METTL8: variants seen among roughly 807,000 people sequenced by gnomAD.
The protein encoded by METTL8 is tRNA N(3)-cytidine methyltransferase METTL8, mitochondrial.
A neutral mutation model predicts 48.7 loss-of-function variants in METTL8; 32 were observed. The ratio of observed to expected loss-of-function variants is 0.66; its 90% CI spans 0.50 to 0.88. The LOEUF is 0.88. METTL8 is among the 40% of genes least tolerant of loss of function. The pLI, the probability that METTL8 is intolerant of heterozygous loss-of-function variation, is 0.00. For missense variants in METTL8, 464 were observed against 474.4 expected, an observed-to-expected ratio of 0.98 and a Z score of 0.20; for synonymous variants, 136 against 157.1, an observed-to-expected ratio of 0.87 and a Z score of 1.01.
intron 1 of METTL8, among the ~76,000 whole-genome samples, chr2:171,406,257 G>A (rs1690165989): frequency 6.6e-6 from 1 of 152,110 alleles, no homozygotes; most frequent in African/African-American, 2.4e-5. Context: ...CTAGAGATCT[G>A]GGAACAAAGA....
intron 3 of METTL8, among the ~76,000 whole-genome samples, chr2:171,351,968 T>C (rs1467718084): frequency 2.0e-5 from 3 of 152,194 alleles, no homozygotes; most frequent in East Asian, 1.9e-4. Flanking sequence ...TCTTGCCTGA[T>C]TGCCCTGGCC....
chr2:171,428,825 A>C (rs917356664), intron 1 of METTL8, among the ~76,000 whole-genome samples: 1 of 152,206 alleles, frequency 6.6e-6, no homozygotes, highest in Admixed American at 6.5e-5. Flanking sequence ...AGAGGAAAGG[A>C]AGCTTCAGAT....
At chr2:171,387,215 G>A (rs938960196) in intron 2 of METTL8, among the ~76,000 whole-genome samples, 24 of 152,070 alleles carry the variant, frequency 1.6e-4, no homozygotes, top group African/African-American at 3.9e-4. Context: ...TGTAACACGC[G>A]CTCACTGGGA....
chr2:171,359,886 G>T (rs532027500), intron 3 of METTL8, among the ~76,000 whole-genome samples: 3 of 151,978 alleles, frequency 2.0e-5, no homozygotes, highest in Non-Finnish European at 2.9e-5. Flanking sequence ...CCACCGCGCC[G>T]GCTCCTGAGT....
intron 1 of METTL8, among the ~76,000 whole-genome samples, chr2:171,398,580 C>T (rs1247206670): frequency 6.6e-6 from 1 of 152,020 alleles, no homozygotes; most frequent in African/African-American, 2.4e-5. Flanking sequence ...TCAAAGGATA[C>T]AAAGTTGCAG....
intron 1 of METTL8, among the ~76,000 whole-genome samples, chr2:171,431,804 G>A (rs147269649): frequency 3.3e-5 from 5 of 152,236 alleles, no homozygotes; most frequent in South Asian, 2.1e-4. Flanking sequence ...GCCCCTGTTC[G>A]TCAGGCTGCA....
intron 5 of METTL8, 81 bp downstream of exon 5, chr2:171,337,372 C>T (rs774149717): frequency 3.0e-6 from 3 of 1,013,430 alleles, no homozygotes; most frequent in Non-Finnish European, 4.4e-6. Flanking sequence ...TACTGGCATA[C>T]ACGTGACAAT....
At chr2:171,431,976 C>T (rs769642163) in intron 1 of METTL8, among the ~76,000 whole-genome samples, 2 of 152,198 alleles carry the variant, frequency 1.3e-5, no homozygotes, top group African/African-American at 2.4e-5. Flanking sequence ...AAGCGGTGCA[C>T]GGAGCCAGCT....
intron 2 of METTL8, among the ~76,000 whole-genome samples, chr2:171,371,049 T>C (rs936658219): frequency 2.6e-5 from 4 of 152,202 alleles, no homozygotes; most frequent in Non-Finnish European, 2.9e-5. Flanking sequence ...TATGCTATTA[T>C]TTTCTGTACC....
chr2:171,413,871 G>A (rs1464319959), intron 1 of METTL8, among the ~76,000 whole-genome samples: 2 of 152,210 alleles, frequency 1.3e-5, no homozygotes, highest in African/African-American at 4.8e-5. Context: ...CTGGCAAACT[G>A]AGGGGGCACT....
chr2:171,336,435 T>G (rs1187704310), intron 5 of METTL8, among the ~76,000 whole-genome samples: 1 of 140,456 alleles, frequency 7.1e-6, no homozygotes, highest in African/African-American at 2.7e-5. Context: ...GGAGTCTCAC[T>G]CTGTCGCCCA....
chr2:171,336,296 T>A (rs1272779959), intron 5 of METTL8, among the ~76,000 whole-genome samples: 1 of 142,070 alleles, frequency 7.0e-6, no homozygotes, highest in African/African-American at 2.6e-5. Flanking sequence ...GGGGTTTCAC[T>A]ATGTTGGCCA....
intron 2 of METTL8, among the ~76,000 whole-genome samples, chr2:171,381,361 CA>C (rs1272903626): frequency 6.6e-6 from 1 of 152,094 alleles, no homozygotes; most frequent in Non-Finnish European, 1.5e-5. Flanking sequence ...GACTTCACGA[CA>C]AAAACACCAA....
chr2:171,433,547 T>C (rs1693397092), intron 1 of METTL8, among the ~76,000 whole-genome samples: 1 of 152,176 alleles, frequency 6.6e-6, no homozygotes. Context: ...ACTTTGAACA[T>C]ACAGGCAGGG....
intron 3 of METTL8, among the ~76,000 whole-genome samples, chr2:171,351,376 T>C (rs958106263): frequency 2.6e-5 from 4 of 152,242 alleles, no homozygotes; most frequent in Non-Finnish European, 4.4e-5. Context: ...GCTTGTAGTA[T>C]AGTTTGAAGT....
chr2:171,336,158 G>A (rs1407186626), intron 5 of METTL8, among the ~76,000 whole-genome samples: 6 of 151,554 alleles, frequency 4.0e-5, no homozygotes, highest in Admixed American at 2.0e-4. Context: ...GTGCAGTGGC[G>A]CATCTCAGCT....
intron 1 of METTL8, among the ~76,000 whole-genome samples, chr2:171,425,593 A>ACCTCACTGTGTC (rs1692323883): frequency 6.6e-6 from 1 of 152,232 alleles, no homozygotes; most frequent in African/African-American, 2.4e-5. Flanking sequence ...AATTGTGTCA[A>ACCTCACTGTGTC]TATCCAGTGA....
chr2:171,353,753 T>A (rs914537042), intron 3 of METTL8, among the ~76,000 whole-genome samples: 3 of 152,222 alleles, frequency 2.0e-5, no homozygotes, highest in Admixed American at 2.0e-4. Context: ...TGGTTTAAAG[T>A]CTGTTTTATC....
chr2:171,378,804 T>C (rs1444278165), intron 2 of METTL8, among the ~76,000 whole-genome samples: 1 of 152,154 alleles, frequency 6.6e-6, no homozygotes, highest in East Asian at 1.9e-4. Context: ...CACACAATAG[T>C]GGTGGGAGAC....
Sources: allele counts gnomAD v4.1 joint callset (sites outside exome capture counted in the v4.1 genomes callset), GRCh38; gene constraint gnomAD v4.1.1; transcripts MANE v1.5; gene names NCBI Gene and HGNC (gene_info 2026-07-23, HGNC 2026-07-21).